Variants in TRAK1 observed in about 807,000 individuals in gnomAD.
TRAK1 encodes the protein trafficking kinesin protein 1.
TRAK1 carries 33 observed loss-of-function variants against 92.1 expected under a neutral mutation model. That is an observed-to-expected ratio of 0.36 (90% CI 0.27 to 0.48). The LOEUF (loss-of-function observed/expected upper bound fraction) is 0.48, where lower values mean the gene tolerates loss of function less well. Ranked by LOEUF, TRAK1 falls within the 20% of genes least tolerant of loss-of-function variation. The probability of loss-of-function intolerance (pLI) is 0.99; values close to 1 mark genes in which losing one functional copy is unlikely to be tolerated. For synonymous variants in TRAK1, 521 were observed against 517.3 expected (o/e 1.01, Z -0.10); for missense variants, 1,123 against 1,257.9 (o/e 0.89, Z 1.62).
intron 13 of TRAK1, 79 bp from the exon 14 acceptor site, chr3:42,209,688 A>C (rs1708752464): frequency 7.0e-7 from 1 of 1,419,892 alleles, no homozygotes; most frequent in Admixed American, 1.8e-5. Flanking sequence ...TGAGGGTGGT[A>C]AACAGCCATT....
intron 12 of TRAK1, 96 bp downstream of exon 12, chr3:42,201,150 T>C: frequency 7.5e-7 from 1 of 1,332,720 alleles, no homozygotes; most frequent in Non-Finnish European, 1.1e-6. Flanking sequence ...GGGAGGTAGA[T>C]GAGAGTCACC....
At chr3:42,110,132 A>ATATATATATAT (rs58099544) in intron 1 of TRAK1, among the ~76,000 whole-genome samples, 204 of 127,976 alleles carry the variant, frequency 1.6e-3, no homozygotes, top group African/African-American at 2.5e-3. Context: ...ATATATATAT[A>ATATATATATAT]AACTTTGTGT....
chr3:42,062,351 T>C (rs530577319), intron 1 of TRAK1, among the ~76,000 whole-genome samples: 1 of 152,326 alleles, frequency 6.6e-6, no homozygotes, highest in South Asian at 2.1e-4. Flanking sequence ...TTTGAATATT[T>C]TTTTTCCTAC....
intron 2 of TRAK1, among the ~76,000 whole-genome samples, chr3:42,147,252 T>C (rs531009454): frequency 6.6e-6 from 1 of 152,238 alleles, no homozygotes; most frequent in East Asian, 1.9e-4. Context: ...AAACTGAAAA[T>C]GTATATTCAA....
upstream of TRAK1, chr3:42,091,111 T>A (rs1184112361): frequency 4.0e-6 from 1 of 248,710 alleles, no homozygotes; most frequent in African/African-American, 2.3e-5. Context: ...AGCCCTGAGA[T>A]GAACAGCAGA....
chr3:42,048,566 C>CT (rs373744402), intron 1 of TRAK1, among the ~76,000 whole-genome samples: 56,613 of 136,432 alleles, frequency 0.41, 11,989 homozygotes, highest in African/African-American at 0.45. Flanking sequence ...CAGTTCTTTT[C>CT]TTTTTTTTTT....
chr3:42,109,315 A>G (rs1429096192), intron 1 of TRAK1, among the ~76,000 whole-genome samples: 1 of 152,232 alleles, frequency 6.6e-6, no homozygotes, highest in Non-Finnish European at 1.5e-5. Flanking sequence ...CATCAAACCC[A>G]ATAAAATCCA....
rs1390446249 is a variant in TRAK1 at position 42,091,929 on chromosome 3, C to G, written c.91+369C>G. On this transcript the variant is annotated intron_variant, in intron 1 of 15. Transcript: ENST00000327628. ...CAGTGGGTGGACAGGGTTTCTAAGG[C>G]CTCCTCCGCCTCTCCAGCTCTGATT... is the stretch of plus-strand genomic sequence containing the variant. Among the ~76,000 whole-genome samples the G allele has an allele frequency of 3.3e-5, 5 of 152,096 alleles. No individual in the cohort carries two copies. The East Asian group carries it at 9.7e-4, about 29-fold the overall frequency.
chr3:42,212,596 A>G (rs1263012098), intron 14 of TRAK1: 3 of 948,168 alleles, frequency 3.2e-6, no homozygotes, highest in Non-Finnish European at 2.5e-6. Context: ...AATAATTTAG[A>G]TGATTAAAAT....
intron 1 of TRAK1, among the ~76,000 whole-genome samples, chr3:42,060,644 T>TTTTTTTTTTA (rs1703392677): frequency 1.4e-5 from 2 of 141,982 alleles, no homozygotes; most frequent in African/African-American, 5.1e-5. Context: ...TTTTTTTTTT[T>TTTTTTTTTTA]GAGACGGAGT....
intron 1 of TRAK1, among the ~76,000 whole-genome samples, chr3:42,123,706 T>C (rs373777385): frequency 2.5e-5 from 1 of 40,202 alleles, no homozygotes; most frequent in African/African-American, 7.5e-5. Context: ...GTCACAAGTA[T>C]TTTTTTTTTT....
chr3:42,174,637 A>G (rs1702962671), intron 2 of TRAK1, among the ~76,000 whole-genome samples: 1 of 144,192 alleles, frequency 6.9e-6, no homozygotes, highest in Admixed American at 6.8e-5. Flanking sequence ...CACCTGGCTA[A>G]TTTTTGTGTG....
chr3:42,088,782 G>A (rs1252780707), upstream of TRAK1, among the ~76,000 whole-genome samples: 2 of 152,090 alleles, frequency 1.3e-5, no homozygotes, highest in African/African-American at 4.8e-5. Context: ...TGGCTTCTGG[G>A]TCCCCACACT....
At chr3:42,174,097 G>A (rs1474464442) in intron 2 of TRAK1, among the ~76,000 whole-genome samples, 1 of 152,146 alleles carries the variant, frequency 6.6e-6, no homozygotes, top group Non-Finnish European at 1.5e-5. Context: ...GTAAAGGTCA[G>A]CTCACTGCAA....
At chr3:42,021,609 C>T (rs1033209511) in intron 1 of TRAK1, among the ~76,000 whole-genome samples, 4 of 152,194 alleles carry the variant, frequency 2.6e-5, no homozygotes, top group African/African-American at 9.7e-5. Flanking sequence ...TGGAGTCTCA[C>T]TCTGTTGCCC....
At chr3:42,073,101 C>A (rs1479862105) in intron 1 of TRAK1, among the ~76,000 whole-genome samples, 1 of 152,208 alleles carries the variant, frequency 6.6e-6, no homozygotes, top group Admixed American at 6.5e-5. Context: ...TACAAGTCTG[C>A]CCTGAAGTCA....
chr3:42,123,734 C>G (rs1009768482), intron 1 of TRAK1, among the ~76,000 whole-genome samples: 11 of 151,076 alleles, frequency 7.3e-5, no homozygotes, highest in African/African-American at 2.4e-4. Flanking sequence ...TCTGCCCCTT[C>G]TAATATCTTG....
At chr3:42,191,682 C>A in intron 7 of TRAK1, 46 bp downstream of exon 7, 1 of 1,549,460 alleles carries the variant, frequency 6.5e-7, no homozygotes, top group Non-Finnish European at 8.8e-7. Flanking sequence ...CATCTGCTGT[C>A]ATGATTAGAC....
chr3:42,160,109 T>TC, intron 2 of TRAK1: 2 of 782,028 alleles, frequency 2.6e-6, no homozygotes, highest in Non-Finnish European at 1.6e-6. Context: ...CGCCAAGTGC[T>TC]CCACCCCACC....
Sources: gnomAD v4.1 joint callset for allele counts (sites outside exome capture counted in the v4.1 genomes callset) on GRCh38, gnomAD v4.1.1 for gene constraint, MANE v1.5 for transcripts, NCBI Gene and HGNC (gene_info 2026-07-23, HGNC 2026-07-21) for gene names.